LIN28B: variants seen among roughly 807,000 people sequenced by gnomAD.
LIN28B encodes the protein protein lin-28 homolog B.
Under a neutral mutation model 21.9 loss-of-function variants are expected in LIN28B, and 5 were observed. The observed-to-expected ratio is 0.23, with a 90% CI of 0.12 to 0.48. LIN28B has a LOEUF of 0.48. Ranked by LOEUF, LIN28B falls within the 20% of genes least tolerant of loss-of-function variation. LIN28B has a pLI of 0.98. For synonymous variants in LIN28B, 109 were observed against 111.3 expected (o/e 0.98, Z 0.13); for missense variants, 245 against 310.5 (o/e 0.79, Z 1.58).
chr6:104,992,910 T>C (rs896913974), intron 2 of LIN28B, among the ~76,000 whole-genome samples: 1 of 152,132 alleles, frequency 6.6e-6, no homozygotes, highest in African/African-American at 2.4e-5. Flanking sequence ...ACAGTGTGCG[T>C]CCTCAATTTA....
intron 3 of LIN28B, among the ~76,000 whole-genome samples, chr6:105,032,143 T>C (rs748108315): frequency 6.6e-6 from 1 of 152,218 alleles, no homozygotes; most frequent in African/African-American, 2.4e-5. Flanking sequence ...TTCCATTTTA[T>C]AGCTATAACA....
chr6:105,024,998 T>C (rs1252711803), intron 2 of LIN28B, among the ~76,000 whole-genome samples: 1 of 152,158 alleles, frequency 6.6e-6, no homozygotes, highest in Non-Finnish European at 1.5e-5. Context: ...GACTTTAATA[T>C]GCTAATATGA....
At chr6:104,938,050 CAAAAAAAAAA>C (rs10562331) in intron 2 of LIN28B, among the ~76,000 whole-genome samples, 10 of 73,706 alleles carry the variant, frequency 1.4e-4, no homozygotes, top group East Asian at 4.5e-4. Context: ...CCTGTCTCTA[CAAAAAAAAAA>C]AAAAAAAAAA....
At chr6:105,065,233 A>G (rs182189118) in intron 3 of LIN28B, among the ~76,000 whole-genome samples, 37 of 152,340 alleles carry the variant, frequency 2.4e-4, no homozygotes, top group African/African-American at 8.4e-4. Flanking sequence ...AGTCATAAAA[A>G]GATTATGACA....
chr6:104,957,016 T>C, upstream of LIN28B: 1 of 1,322,748 alleles, frequency 7.6e-7, no homozygotes. Flanking sequence ...CCCTTAAGGA[T>C]ACGAGGTGAA....
intron 3 of LIN28B, among the ~76,000 whole-genome samples, chr6:105,052,673 C>T (rs892607494): frequency 2.0e-5 from 3 of 152,242 alleles, no homozygotes; most frequent in Middle Eastern, 6.8e-3. Flanking sequence ...AATGCTTTGG[C>T]ATAAAATTGT....
Position 105,078,859 on chromosome 6 carries a change from C to A in LIN28B, c.*76C>A. 6.7e-7 allele frequency: 1 copy of A among 1,493,514 alleles called. No homozygotes were observed. Among genetic ancestry groups the A allele is most frequent in the Non-Finnish European group, 9.0e-7 (1 of 1,111,378 alleles). The allele number at this position is 1,493,514 out of a possible 1,614,324, so 92.5% of individuals were successfully genotyped here. A position where few individuals can be genotyped will look rare whatever the true frequency, so the allele number is the denominator to read the frequency against. On this transcript the variant is annotated 3_prime_UTR_variant, in exon 4 of 4. Coordinates refer to ENST00000345080, the MANE Select transcript of LIN28B (RefSeq NM_001004317.4). Reference sequence around the variant, plus strand: ...ATGCAAGTATAGGGGAACAGTATTTCACAAGCAGTAGCTGACCTGGGATTT... The same window carrying A: ...ATGCAAGTATAGGGGAACAGTATTTAACAAGCAGTAGCTGACCTGGGATTT...
chr6:104,960,421 C>G (rs990028146), intron 2 of LIN28B, among the ~76,000 whole-genome samples: 2 of 152,016 alleles, frequency 1.3e-5, no homozygotes, highest in East Asian at 3.9e-4. Context: ...TTTTAGAGGC[C>G]TTTTTAGTTT....
At chr6:105,076,667 G>T (rs922839310) in intron 3 of LIN28B, among the ~76,000 whole-genome samples, 4 of 151,956 alleles carry the variant, frequency 2.6e-5, no homozygotes, top group African/African-American at 7.2e-5. Context: ...GAGTGCAGTG[G>T]CGCAATCTCG....
chr6:105,042,045 G>T (rs939699410), intron 3 of LIN28B, among the ~76,000 whole-genome samples: 1 of 152,148 alleles, frequency 6.6e-6, no homozygotes, highest in Non-Finnish European at 1.5e-5. Flanking sequence ...AATTAATTTT[G>T]TTGATCTAGC....
chr6:105,024,038 A>C (rs1053303862), intron 2 of LIN28B, among the ~76,000 whole-genome samples: 2 of 151,898 alleles, frequency 1.3e-5, no homozygotes, highest in Admixed American at 1.3e-4. Flanking sequence ...GCTGGAGTGC[A>C]GTGACACGAT....
At chr6:105,029,210 T>C (rs1771365728) in intron 3 of LIN28B, among the ~76,000 whole-genome samples, 1 of 152,198 alleles carries the variant, frequency 6.6e-6, no homozygotes, top group South Asian at 2.1e-4. Flanking sequence ...TTTTGAGAAG[T>C]GTTTCTATAA....
chr6:105,038,822 C>T (rs922746700), intron 3 of LIN28B, among the ~76,000 whole-genome samples: 3 of 152,116 alleles, frequency 2.0e-5, no homozygotes, highest in Non-Finnish European at 2.9e-5. Context: ...GAAAAATATT[C>T]ACTGAAAAAC....
chr6:105,054,708 A>G (rs1293441374), intron 3 of LIN28B, among the ~76,000 whole-genome samples: 1 of 152,212 alleles, frequency 6.6e-6, no homozygotes, highest in Non-Finnish European at 1.5e-5. Context: ...ATGGAGGGAC[A>G]TTCATCACCT....
intron 3 of LIN28B, among the ~76,000 whole-genome samples, chr6:105,030,618 A>G (rs1263014804): frequency 5.9e-5 from 7 of 117,820 alleles, no homozygotes; most frequent in Admixed American, 5.4e-4. Context: ...TTTTTTGGAG[A>G]CAGAGTTTGC....
chr6:104,977,242 A>T (rs1248493690), intron 2 of LIN28B, among the ~76,000 whole-genome samples: 1 of 152,056 alleles, frequency 6.6e-6, no homozygotes, highest in Non-Finnish European at 1.5e-5. Context: ...TTGTAAACAC[A>T]CCCTTCACTT....
At position 105,038,637 on chromosome 6, in the gene LIN28B, T is replaced by A. The variant is rs140612700; in HGVS notation, c.383+12155T>A. Among the ~76,000 whole-genome samples the A allele has an allele frequency of 1.7e-3, 264 of 152,258 alleles. 1 individual carries two copies. The highest frequency in any genetic ancestry group is 6.1e-3 in the African/African-American group (253 of 41,552). On this transcript the variant is annotated intron_variant, in intron 3 of 3. Coordinates refer to ENST00000345080, the MANE Select transcript of LIN28B (RefSeq NM_001004317.4). ...GAAGGAGATTTCTGTGAAATACAGGTGCTAGCCGTAACCAAACTGACATTT... is the reference window on the plus strand; with the variant it reads ...GAAGGAGATTTCTGTGAAATACAGGAGCTAGCCGTAACCAAACTGACATTT...
At chr6:105,063,883 T>C (rs971081305) in intron 3 of LIN28B, among the ~76,000 whole-genome samples, 1 of 149,984 alleles carries the variant, frequency 6.7e-6, no homozygotes, top group African/African-American at 2.4e-5. Context: ...ATACGTCTTA[T>C]TAAATATAAT....
chr6:104,947,213 C>T (rs1012896424), intron 2 of LIN28B, among the ~76,000 whole-genome samples: 1 of 152,142 alleles, frequency 6.6e-6, no homozygotes, highest in African/African-American at 2.4e-5. Context: ...CAACCCTTGT[C>T]TCCCGGGTTC....
Sources: gnomAD v4.1 joint callset for allele counts (sites outside exome capture counted in the v4.1 genomes callset) on GRCh38, gnomAD v4.1.1 for gene constraint, MANE v1.5 for transcripts, NCBI Gene and HGNC (gene_info 2026-07-23, HGNC 2026-07-21) for gene names.